SOCS6: variants seen among roughly 807,000 people sequenced by gnomAD.
SOCS6 encodes the protein suppressor of cytokine signaling 6.
SOCS6 carries 5 observed loss-of-function variants against 27.7 expected under a neutral mutation model. The observed-to-expected ratio is 0.18, with a 90% CI of 0.09 to 0.38. SOCS6 has a LOEUF of 0.38. Ranked by LOEUF, SOCS6 falls within the 10% of genes least tolerant of loss-of-function variation. The pLI, the probability that SOCS6 is intolerant of heterozygous loss-of-function variation, is 1.00. For missense variants in SOCS6, 595 were observed against 688.1 expected, an observed-to-expected ratio of 0.86 and a Z score of 1.51; for synonymous variants, 271 against 260.0, an observed-to-expected ratio of 1.04 and a Z score of -0.41.
chr18:70,302,448 A>G (rs1188907723), intron 1 of SOCS6, among the ~76,000 whole-genome samples: 2 of 152,132 alleles, frequency 1.3e-5, no homozygotes, highest in Non-Finnish European at 2.9e-5. Context: ...TTAAGGACCC[A>G]CCTGCGGGTC....
At chr18:70,324,315 A>AATAATAATAATAATAATAAT (rs1280260126) in intron 1 of SOCS6, among the ~76,000 whole-genome samples, 1 of 151,876 alleles carries the variant, frequency 6.6e-6, no homozygotes, top group African/African-American at 2.4e-5. Flanking sequence ...TAATAATAAT[A>AATAATAATAATAATAATAAT]ATAATAATAA....
intron 1 of SOCS6, among the ~76,000 whole-genome samples, chr18:70,298,138 T>G (rs898098340): frequency 3.4e-5 from 5 of 149,090 alleles, no homozygotes; most frequent in African/African-American, 9.8e-5. Context: ...TTAAGATATT[T>G]TAATATATAA....
intron 1 of SOCS6, among the ~76,000 whole-genome samples, chr18:70,316,286 TGTG>T (rs1246250388): frequency 2.0e-5 from 3 of 152,200 alleles, no homozygotes; most frequent in African/African-American, 7.2e-5. Context: ...TTTATTGCCT[TGTG>T]GTTAATTAAG....
intron 1 of SOCS6, among the ~76,000 whole-genome samples, chr18:70,292,589 C>G (rs936006949): frequency 2.6e-5 from 4 of 152,132 alleles, no homozygotes; most frequent in Admixed American, 6.5e-5. Flanking sequence ...CTCAAGTGAT[C>G]CTCCCACCTT....
chr18:70,309,139 G>A (rs2062380405), intron 1 of SOCS6, among the ~76,000 whole-genome samples: 1 of 152,206 alleles, frequency 6.6e-6, no homozygotes, highest in Non-Finnish European at 1.5e-5. Context: ...AGCCATAAAA[G>A]ATATGTAACA....
chr18:70,312,842 T>C (rs577631202), intron 1 of SOCS6, among the ~76,000 whole-genome samples: 36 of 150,676 alleles, frequency 2.4e-4, no homozygotes, highest in African/African-American at 8.8e-4. Context: ...GGCGTGATCT[T>C]GGCTCACTGC....
Position 70,314,059 on chromosome 18 carries a change from T to C in SOCS6, c.-126-10484T>C, listed in dbSNP as rs962457629. On this transcript the variant is annotated intron_variant, in intron 1 of 1. Transcript: ENST00000397942. Reference sequence around the variant, plus strand: ...GCTGTTATAAATAGGATCTAGTCTTTTATTATGTTTTCTTATCTGCTTCTT... The same window carrying C: ...GCTGTTATAAATAGGATCTAGTCTTCTATTATGTTTTCTTATCTGCTTCTT... 3.4e-4 allele frequency: 52 copies of C among 152,312 alleles called. 1 individual carries two copies. Among genetic ancestry groups the C allele is most frequent in the African/African-American group, 1.2e-3 (50 of 41,570 alleles). The allele number at this position is 152,312 out of a possible 1,614,324, so 9.4% of individuals were successfully genotyped here.
At chr18:70,305,653 T>C (rs983333260) in intron 1 of SOCS6, among the ~76,000 whole-genome samples, 9 of 152,238 alleles carry the variant, frequency 5.9e-5, no homozygotes, top group African/African-American at 1.4e-4. Context: ...TTTGGAAGAA[T>C]TGCCATATTA....
At chr18:70,303,199 G>T (rs2146270221) in intron 1 of SOCS6, among the ~76,000 whole-genome samples, 1 of 152,024 alleles carries the variant, frequency 6.6e-6, no homozygotes, top group Non-Finnish European at 1.5e-5. Flanking sequence ...CTGTGTTTTT[G>T]CACTTAACAA....
Position 70,324,092 on chromosome 18 carries a change from A to G in SOCS6, c.-126-451A>G, listed in dbSNP as rs2231556. 4.2e-3 allele frequency among the ~76,000 whole-genome samples: 636 copies of G among 152,176 alleles called. 4 individuals carry two copies. Among genetic ancestry groups the G allele is most frequent in the African/African-American group, 0.014 (596 of 41,512 alleles). ...CCGAGGCGGGCGGATCATAAGGTCA[A>G]GAGATCGAGACCATCCTGGCTAACA... On this transcript the variant is annotated intron_variant, in intron 1 of 1. Transcript: ENST00000397942.
Position 70,325,381 on chromosome 18 carries a change from G to A in SOCS6, c.713G>A (p.Arg238Gln), listed in dbSNP as rs1489581411. ...DEGMYPLEGS[R>Q]SYCLDSSSPM... ...GGGATGTATCCTTTGGAAGGATCAC[G>A]GAGCTATTGTCTGGACAGCTCTTCT... The change falls in exon 2 of 2, where the codon CGG (arginine) becomes CAG (glutamine). Residue 238 changes from arginine (R) to glutamine (Q), a missense_variant. Arg to Gln is a conservative substitution (Grantham distance 43). Coordinates refer to ENST00000397942, the MANE Select transcript of SOCS6 (RefSeq NM_004232.4). The surrounding 1 kb of genome is among the most constrained non-coding windows in gnomAD (Gnocchi z 6.3). 8 of 1,614,078 alleles carry A rather than the reference G, an allele frequency of 5.0e-6. No individual in the cohort carries two copies. Among genetic ancestry groups the A allele is most frequent in the Middle Eastern group, 1.6e-4 (1 of 6,084 alleles).
At chr18:70,303,492 T>G (rs1466116830) in intron 1 of SOCS6, among the ~76,000 whole-genome samples, 1 of 152,234 alleles carries the variant, frequency 6.6e-6, no homozygotes, top group Non-Finnish European at 1.5e-5. Context: ...TTAATTTTTA[T>G]GGCTGTATTA....
rs569357492 is a variant in SOCS6, at chr18:70,328,931, A to G, written c.*2655A>G. ...TTGGCAGTTAACATAGATGACATGG[A>G]CACAGCCTATGAGTGCTTTTTAAAT... On this transcript the variant is annotated 3_prime_UTR_variant, in exon 2 of 2. Transcript: ENST00000397942. The G allele has an allele frequency of 6.0e-6, 1 of 167,182 alleles. No individual in the cohort carries two copies. Among genetic ancestry groups the G allele is most frequent in the South Asian group, 2.1e-4 (1 of 4,824 alleles). The allele number at this position is 167,182 out of a possible 1,614,324, so 10.4% of individuals were successfully genotyped here. A position where few individuals can be genotyped will look rare whatever the true frequency, so the allele number is the denominator to read the frequency against.
chr18:70,303,649 T>C (rs1234093048), intron 1 of SOCS6, among the ~76,000 whole-genome samples: 1 of 152,052 alleles, frequency 6.6e-6, no homozygotes, highest in Admixed American at 6.6e-5. Context: ...AAAAATTAGC[T>C]GGGAGTGGTG....
chr18:70,306,346 C>CGCTACTGGGGAG (rs1045934092), intron 1 of SOCS6, among the ~76,000 whole-genome samples: 1 of 151,350 alleles, frequency 6.6e-6, no homozygotes, highest in Non-Finnish European at 1.5e-5. Flanking sequence ...TGGTGGCGCA[C>CGCTACTGGGGAG]GCTACTGGGG....
Position 70,325,705 on chromosome 18 carries a change from T to C in SOCS6, c.1037T>C (p.Phe346Ser). 1.9e-6 allele frequency: 3 copies of C among 1,614,228 alleles called. No homozygotes were observed. The highest frequency in any genetic ancestry group is 2.5e-6 in the Non-Finnish European group (3 of 1,180,042). ...VAESMRCHLN[F>S]DPNSAPGVAR... ...GAAAGTATGCGCTGTCATTTGAATTTTGATCCGAACTCTGCTCCTGGGGTT... is the reference window on the plus strand; with the variant it reads ...GAAAGTATGCGCTGTCATTTGAATTCTGATCCGAACTCTGCTCCTGGGGTT... Residue 346 changes from phenylalanine (F) to serine (S), a missense_variant, in exon 2 of 2, where the codon TTT (phenylalanine) becomes TCT (serine). By Grantham distance (155) the Phe-to-Ser change is radical. Around this residue, in one of 2 missense-constraint regions of SOCS6, gnomAD observed 467 missense variants for 481.1 expected, o/e 0.97. Transcript: ENST00000397942. This position sits in a 1 kb window ranked among gnomAD's most constrained non-coding sequence, Gnocchi z 6.3.
intron 1 of SOCS6, among the ~76,000 whole-genome samples, chr18:70,301,499 A>G: frequency 7.0e-6 from 1 of 143,650 alleles, no homozygotes; most frequent in East Asian, 2.1e-4. Context: ...AGTATAGAGA[A>G]GATTTAAACC....
chr18:70,303,404 G>GT (rs202088658), intron 1 of SOCS6, among the ~76,000 whole-genome samples: 3,578 of 152,022 alleles, frequency 0.024, 154 homozygotes, highest in African/African-American at 0.081. Flanking sequence ...ATATTTTTAT[G>GT]TTTTTTTCTT....
intron 1 of SOCS6, among the ~76,000 whole-genome samples, chr18:70,308,431 A>G (rs2062377906): frequency 6.6e-6 from 1 of 151,806 alleles, no homozygotes; most frequent in African/African-American, 2.4e-5. Context: ...TATGCTGTCC[A>G]GGCTGGTTTT....
Sources: allele counts gnomAD v4.1 joint callset (sites outside exome capture counted in the v4.1 genomes callset), GRCh38; gene constraint gnomAD v4.1.1; regional missense constraint gnomAD v4.1.1; non-coding constraint Gnocchi (gnomAD v3.1); transcripts MANE v1.5; gene names NCBI Gene and HGNC (gene_info 2026-07-23, HGNC 2026-07-21).